The following ANKRD30B variants were observed in gnomAD, a reference collection of about 807,000 sequenced individuals.
ANKRD30B encodes ankyrin repeat domain 30B.
In ANKRD30B, 144 loss-of-function variants were observed where a neutral mutation model predicts 202.2. The observed-to-expected ratio is 0.71, with a 90% CI of 0.62 to 0.82. The LOEUF is 0.82. Among genes scored for constraint, ANKRD30B ranks in the 40% least tolerant of loss-of-function variants. ANKRD30B has a pLI of 0.00. For synonymous variants in ANKRD30B, 508 were observed against 561.3 expected, an observed-to-expected ratio of 0.91 and a Z score of 1.34; for missense variants, 1,487 against 1,669.1, an observed-to-expected ratio of 0.89 and a Z score of 1.90.
intron 36 of ANKRD30B, 89 bp downstream of exon 36, chr18:14,837,765 C>T (rs1339760997): frequency 2.1e-5 from 26 of 1,225,332 alleles, no homozygotes; most frequent in Admixed American, 8.3e-5. Context: ...TATTCTCTCA[C>T]CTCTGATTAT....
the ANKRD30B span, among the ~76,000 whole-genome samples, chr18:14,894,656 T>C: frequency 6.6e-6 from 1 of 151,642 alleles, no homozygotes; most frequent in African/African-American, 2.4e-5. Flanking sequence ...TAAGAACTAG[T>C]ATCAACAAAG....
At chr18:14,798,649 C>T (rs981979537) in intron 20 of ANKRD30B, among the ~76,000 whole-genome samples, 1 of 152,100 alleles carries the variant, frequency 6.6e-6, no homozygotes, top group Non-Finnish European at 1.5e-5. Flanking sequence ...AGGCACCCCC[C>T]TCCGTGCGTC....
chr18:14,916,032 G>A, the ANKRD30B span, among the ~76,000 whole-genome samples: 1 of 152,212 alleles, frequency 6.6e-6, no homozygotes, highest in African/African-American at 2.4e-5. Flanking sequence ...CTAAGCATCT[G>A]TAGATTTTGG....
chr18:14,936,363 C>T, the ANKRD30B span, among the ~76,000 whole-genome samples: 1 of 152,132 alleles, frequency 6.6e-6, no homozygotes, highest in Admixed American at 6.5e-5. Flanking sequence ...CTCCCTCCTC[C>T]ACCTTCCTCC....
chr18:14,785,921 C>T (rs1339327713), intron 14 of ANKRD30B, among the ~76,000 whole-genome samples: 1 of 151,746 alleles, frequency 6.6e-6, no homozygotes, highest in African/African-American at 2.4e-5. Flanking sequence ...GCCTGTAGTC[C>T]CAGCTACTCG....
At chr18:14,933,731 G>C in the ANKRD30B span, among the ~76,000 whole-genome samples, 18 of 102,148 alleles carry the variant, frequency 1.8e-4, no homozygotes, top group Non-Finnish European at 3.2e-4. Flanking sequence ...TGGCCACTAC[G>C]TGGGGAGAGG....
Position 14,851,680 on chromosome 18 carries a change from C to G in ANKRD30B, c.3736C>G (p.Gln1246Glu). Reference sequence around the variant, plus strand: ...TTTACAAGAAAAGAATGCTGAACTTCAAATGACCCTAAAACTGAAACAGAA... The same window carrying G: ...TTTACAAGAAAAGAATGCTGAACTTGAAATGACCCTAAAACTGAAACAGAA... ...KILQEKNAELQMTLKLKQKTV... is the reference protein window; with the variant it reads ...KILQEKNAELEMTLKLKQKTV... The change falls in exon 42 of 44, where the codon CAA becomes GAA. Residue 1246 changes from glutamine to glutamate, a missense_variant. Transcript: ENST00000690538. 6.2e-7 allele frequency: 1 copy of G among 1,610,468 alleles called. No individual in the cohort carries two copies. The highest frequency in any genetic ancestry group is 2.2e-5 in the East Asian group (1 of 44,864).
At chr18:14,806,533 A>T (rs1210844450) in intron 24 of ANKRD30B, among the ~76,000 whole-genome samples, 1 of 150,692 alleles carries the variant, frequency 6.6e-6, no homozygotes, top group Non-Finnish European at 1.5e-5. Context: ...TTAAAAAAAT[A>T]ACGAAGGTAG....
downstream of ANKRD30B, among the ~76,000 whole-genome samples, chr18:14,855,465 C>A (rs1282352634): frequency 6.6e-6 from 1 of 152,266 alleles, no homozygotes. Flanking sequence ...TCACTTCACA[C>A]TTGGAAGATT....
chr18:14,899,075 A>G, the ANKRD30B span, among the ~76,000 whole-genome samples: 1 of 152,164 alleles, frequency 6.6e-6, no homozygotes, highest in African/African-American at 2.4e-5. Context: ...CCTTAAAAAT[A>G]TTTTTAATCT....
At chr18:14,910,957 C>G in the ANKRD30B span, among the ~76,000 whole-genome samples, 2 of 152,094 alleles carry the variant, frequency 1.3e-5, no homozygotes, top group African/African-American at 4.8e-5. Flanking sequence ...TCCTTTCCCA[C>G]TTTTTGGTGG....
chr18:14,808,062 T>C (rs1309153048), intron 24 of ANKRD30B, among the ~76,000 whole-genome samples: 2 of 151,238 alleles, frequency 1.3e-5, no homozygotes, highest in South Asian at 4.2e-4. Flanking sequence ...TCATCGGAGC[T>C]TTGCAATTCT....
chr18:14,931,189 A>G, the ANKRD30B span, among the ~76,000 whole-genome samples: 1 of 152,162 alleles, frequency 6.6e-6, no homozygotes, highest in Non-Finnish European at 1.5e-5. Context: ...CATCACCCAA[A>G]TGACAGCTCA....
chr18:14,756,479 C>A (rs1028359912), intron 4 of ANKRD30B, among the ~76,000 whole-genome samples: 1 of 152,172 alleles, frequency 6.6e-6, no homozygotes, highest in Non-Finnish European at 1.5e-5. Context: ...AGTCCTTGCC[C>A]ATGCCTATGT....
rs916968512 is a variant in ANKRD30B at position 14,778,080 on chromosome 18, G to A, written c.1420+5G>A. On this transcript the variant is annotated splice_donor_5th_base_variant and intron_variant, in intron 10 of 43. Coordinates refer to ENST00000690538, the MANE Select transcript of ANKRD30B (RefSeq NM_001367607.2). ...CAATAAATCACAAAATAGAAGGTAA[G>A]AACCATTTTTTATTTAAAACATCTT... 1.3e-6 allele frequency: 2 copies of A among 1,521,592 alleles called. No individual in the cohort carries two copies. The highest frequency in any genetic ancestry group is 2.8e-5 in the African/African-American group (2 of 72,230). 94.3% of individuals were successfully genotyped at this position (1,521,592 alleles called of 1,614,324 possible). A position where few individuals can be genotyped will look rare whatever the true frequency, so the allele number is the denominator to read the frequency against.
At chr18:14,928,121 C>A in the ANKRD30B span, among the ~76,000 whole-genome samples, 1 of 152,128 alleles carries the variant, frequency 6.6e-6, no homozygotes, top group Non-Finnish European at 1.5e-5. Context: ...GCACCTGCCA[C>A]CATGCCTGGC....
In ANKRD30B at chr18:14,852,349, G is replaced by A. The variant is rs941729562; in HGVS notation, c.4405G>A (p.Glu1469Lys). The A allele has an allele frequency of 5.2e-6, 8 of 1,542,240 alleles. No individual in the cohort carries two copies. The highest frequency in any genetic ancestry group is 1.7e-4 in the Middle Eastern group (1 of 5,902). ...MQRHLNEKNE[E>K]VFNYGNHLKE... ...ACGTCATCTAAACGAGAAAAATGAG[G>A]AGGTATTCAATTATGGTAACCATTT... The change falls in exon 42 of 44, where the codon GAG becomes AAG. Residue 1469 changes from glutamate (E) to lysine (K), a missense_variant. Transcript: ENST00000690538.
At chr18:14,754,827 T>C (rs1296684213) in intron 3 of ANKRD30B, 72 bp from the exon 4 acceptor site, 1 of 1,030,300 alleles carries the variant, frequency 9.7e-7, no homozygotes, top group East Asian at 2.9e-5. Context: ...TAATAGGATA[T>C]AATATAAGGT....
chr18:14,876,882 ATC>A, the ANKRD30B span, among the ~76,000 whole-genome samples: 1 of 152,210 alleles, frequency 6.6e-6, no homozygotes, highest in Non-Finnish European at 1.5e-5. Context: ...TTCTAGCTGG[ATC>A]TCTGTCACGC....
Sources: gnomAD v4.1 joint callset for allele counts (sites outside exome capture counted in the v4.1 genomes callset) on GRCh38, gnomAD v4.1.1 for gene constraint, MANE v1.5 for transcripts, NCBI Gene and HGNC (gene_info 2026-07-23, HGNC 2026-07-21) for gene names.